Variants in CLCN5 observed in about 807,000 individuals in gnomAD.
The protein encoded by CLCN5 is H(+)/Cl(-) exchange transporter 5.
A neutral mutation model predicts 54.0 loss-of-function variants in CLCN5; 17 were observed. The ratio of observed to expected loss-of-function variants is 0.31; its 90% CI spans 0.22 to 0.47. CLCN5 has a LOEUF of 0.47. CLCN5 is among the 20% of genes least tolerant of loss of function. The pLI is 1.00. For missense variants in CLCN5, 448 were observed against 646.7 expected (o/e 0.69, Z 3.33); for synonymous variants, 222 against 233.0 (o/e 0.95, Z 0.43).
At chrX:49,970,002 C>CT (rs1327614089) in intron 3 of CLCN5, among the ~76,000 whole-genome samples, 6 of 111,173 alleles carry the variant, frequency 5.4e-5, no homozygotes, top group African/African-American at 2.0e-4. Context: ...ATGACATGAC[C>CT]TTTTTTATTC....
At chrX:50,031,682 A>C (rs1931706385) in intron 3 of CLCN5, among the ~76,000 whole-genome samples, 1 of 110,461 alleles carries the variant, frequency 9.1e-6, no homozygotes, top group African/African-American at 3.3e-5. Context: ...TAAATAAATC[A>C]TTGTATATTT....
intron 3 of CLCN5, among the ~76,000 whole-genome samples, chrX:50,003,774 GCCC>G (rs1404554510): frequency 9.1e-6 from 1 of 109,849 alleles, no homozygotes; most frequent in Admixed American, 9.5e-5. Flanking sequence ...ACATGGTGCA[GCCC>G]CTCATACTCA....
chrX:50,053,958 T>C (rs1557188649), intron 4 of CLCN5, among the ~76,000 whole-genome samples: 2 of 110,348 alleles, frequency 1.8e-5, no homozygotes, highest in African/African-American at 6.6e-5. Flanking sequence ...GTGTGCTTGT[T>C]TTTGTCTCTC....
At chrX:50,040,549 TTTAAATTGACA>T (rs1557187010) in intron 3 of CLCN5, among the ~76,000 whole-genome samples, 1 of 112,319 alleles carries the variant, frequency 8.9e-6, no homozygotes, top group Non-Finnish European at 1.9e-5. Context: ...TAAATTTTAT[TTTAAATTGACA>T]TATAATTGTA....
chrX:49,936,659 A>G (rs1466470311), intron 3 of CLCN5, among the ~76,000 whole-genome samples: 7 of 112,403 alleles, frequency 6.2e-5, no homozygotes, highest in African/African-American at 1.9e-4. Flanking sequence ...GATTGACTGA[A>G]AAGTCCAGCT....
intron 3 of CLCN5, among the ~76,000 whole-genome samples, chrX:50,012,605 A>G (rs1229640399): frequency 2.7e-5 from 3 of 112,140 alleles, no homozygotes; most frequent in Non-Finnish European, 5.6e-5. Context: ...CAGAGAGGGA[A>G]TCTCATCCAT....
intron 3 of CLCN5, among the ~76,000 whole-genome samples, chrX:49,942,600 T>C (rs1343481054): frequency 2.3e-5 from 2 of 87,425 alleles, no homozygotes; most frequent in Non-Finnish European, 4.3e-5. Flanking sequence ...TTCCCCTTCC[T>C]GCGTCCAAGT....
At chrX:50,053,495 C>A (rs1557188620) in intron 4 of CLCN5, among the ~76,000 whole-genome samples, 1 of 110,243 alleles carries the variant, frequency 9.1e-6, no homozygotes, top group African/African-American at 3.3e-5. Context: ...TGATTTTTCT[C>A]TATTTTTTCA....
intron 3 of CLCN5, among the ~76,000 whole-genome samples, chrX:50,012,108 A>AAACACCTCCT: frequency 9.0e-6 from 1 of 111,665 alleles, no homozygotes; most frequent in East Asian, 2.8e-4. Context: ...AGCATGTTTA[A>AAACACCTCCT]GAGAAGGAAC....
chrX:50,079,619 A>G (rs1933595771), intron 7 of CLCN5, among the ~76,000 whole-genome samples: 1 of 111,748 alleles, frequency 8.9e-6, no homozygotes, highest in Admixed American at 9.5e-5. Flanking sequence ...AGTTGTTTCC[A>G]TTTTATTTAT....
Position 49,925,285 on chromosome X carries a change from A to G in CLCN5, c.-14A>G. ...TCAGCCTGTGACCCCAGCGTGGGTG[A>G]AGATAGGATCAAGATGGCCATGTGG... On this transcript the variant is annotated 5_prime_UTR_variant, in exon 3 of 15. Coordinates refer to ENST00000376091, the MANE Select transcript of CLCN5 (RefSeq NM_001127898.4). The G allele has an allele frequency of 8.3e-7, 1 of 1,210,373 alleles. No homozygotes were observed. Among genetic ancestry groups the G allele is most frequent in the Non-Finnish European group, 1.1e-6 (1 of 894,157 alleles).
rs781929772 is a variant in CLCN5 at position 50,018,052 on chromosome X, G to C, written c.17-24264G>C. On this transcript the variant is annotated intron_variant, in intron 3 of 14. Coordinates refer to ENST00000376091, the MANE Select transcript of CLCN5 (RefSeq NM_001127898.4). The stretch of plus-strand genomic sequence containing the variant: ...TGATTGGAACTGCACTGAACCTGTA[G>C]ATCAAGTTGGGAAAAACTTACTTCT... 1.4e-4 allele frequency among the ~76,000 whole-genome samples: 16 copies of C among 111,743 alleles called. No individual in the cohort carries two copies. In the East Asian group the frequency reaches 2.0e-3, roughly 14 times the overall value.
intron 3 of CLCN5, among the ~76,000 whole-genome samples, chrX:49,959,996 C>T (rs1164952732): frequency 9.0e-6 from 1 of 111,675 alleles, no homozygotes; most frequent in Non-Finnish European, 1.9e-5. Context: ...ACTAAAACCT[C>T]CAGCCTTTCA....
At chrX:49,952,219 A>C (rs965958251) in intron 3 of CLCN5, among the ~76,000 whole-genome samples, 1 of 111,248 alleles carries the variant, frequency 9.0e-6, no homozygotes, top group African/African-American at 3.3e-5. Context: ...TAACAGAAGT[A>C]TCTCTACCTT....
At chrX:50,034,139 A>G (rs1557186265) in intron 3 of CLCN5, among the ~76,000 whole-genome samples, 1 of 112,048 alleles carries the variant, frequency 8.9e-6, no homozygotes, top group East Asian at 2.8e-4. Flanking sequence ...TTTGATTTCC[A>G]TTTCTCAAAA....
chrX:50,033,655 T>C (rs1931840208), intron 3 of CLCN5, among the ~76,000 whole-genome samples: 1 of 111,008 alleles, frequency 9.0e-6, no homozygotes, highest in Non-Finnish European at 1.9e-5. Flanking sequence ...CTTCACAGAA[T>C]TGGAAAAAAC....
intron 3 of CLCN5, among the ~76,000 whole-genome samples, chrX:49,937,772 GT>G (rs1290572027): frequency 9.9e-5 from 11 of 111,541 alleles, no homozygotes; most frequent in Non-Finnish European, 1.7e-4. Context: ...TGTTTTTCTT[GT>G]TTGATTTGTT....
At chrX:49,939,939 C>T (rs782602699) in intron 3 of CLCN5, among the ~76,000 whole-genome samples, 2 of 111,711 alleles carry the variant, frequency 1.8e-5, no homozygotes, top group South Asian at 7.6e-4. Context: ...CTTAACTCAT[C>T]ACCCCAATTC....
intron 4 of CLCN5, among the ~76,000 whole-genome samples, chrX:50,060,289 A>T (rs1932831483): frequency 9.0e-6 from 1 of 110,815 alleles, no homozygotes; most frequent in African/African-American, 3.3e-5. Flanking sequence ...GGCGCAGGCC[A>T]GTGGGTGCGC....
Sources: gnomAD v4.1 joint callset for allele counts (sites outside exome capture counted in the v4.1 genomes callset) on GRCh38, gnomAD v4.1.1 for gene constraint, MANE v1.5 for transcripts, NCBI Gene and HGNC (gene_info 2026-07-23, HGNC 2026-07-21) for gene names.